The following DMD variants were observed in gnomAD, a reference collection of about 807,000 sequenced individuals.
The protein encoded by DMD is mutant dystrophin.
In DMD, 63 loss-of-function variants were observed where a neutral mutation model predicts 330.1. That is an observed-to-expected ratio of 0.19 (90% CI 0.16 to 0.24). The LOEUF (loss-of-function observed/expected upper bound fraction) is 0.24, where lower values mean the gene tolerates loss of function less well. Among genes scored for constraint, DMD ranks in the 10% least tolerant of loss-of-function variants. The pLI, the probability that DMD is intolerant of heterozygous loss-of-function variation, is 1.00. For synonymous variants in DMD, 1,223 were observed against 959.8 expected, an observed-to-expected ratio of 1.27 and a Z score of -5.07; for missense variants, 3,344 against 2,684.1, an observed-to-expected ratio of 1.25 and a Z score of -5.43.
At chrX:33,301,608 T>A (rs931839565) in intron 1 of DMD, among the ~76,000 whole-genome samples, 1 of 111,724 alleles carries the variant, frequency 9.0e-6, no homozygotes, top group Admixed American at 9.6e-5. Flanking sequence ...TTGTTCGCAG[T>A]TCTGTAGGCT....
intron 2 of DMD, among the ~76,000 whole-genome samples, chrX:32,956,527 C>T (rs766144161): frequency 1.8e-5 from 2 of 111,772 alleles, no homozygotes; most frequent in South Asian, 3.8e-4. Flanking sequence ...TATAGGAATG[C>T]TAGTGATTTT....
At chrX:31,863,232 G>A (rs996780433) in intron 48 of DMD, among the ~76,000 whole-genome samples, 1 of 112,245 alleles carries the variant, frequency 8.9e-6, no homozygotes, top group African/African-American at 3.2e-5. Context: ...AGTCCCAGCT[G>A]CTCGGGAGGA....
At chrX:32,917,380 T>C (rs1402859495) in intron 2 of DMD, among the ~76,000 whole-genome samples, 1 of 111,872 alleles carries the variant, frequency 8.9e-6, no homozygotes, top group African/African-American at 3.3e-5. Context: ...TATGTACAAC[T>C]ATGATATATC....
chrX:31,384,589 T>C (rs769334286), intron 60 of DMD, among the ~76,000 whole-genome samples: 4 of 111,826 alleles, frequency 3.6e-5, no homozygotes, highest in Non-Finnish European at 7.5e-5. Context: ...CCCTAATGTC[T>C]GAGTGTCCAA....
intron 49 of DMD, among the ~76,000 whole-genome samples, chrX:31,833,242 A>C (rs2149479343): frequency 9.5e-6 from 1 of 105,104 alleles, no homozygotes; most frequent in Non-Finnish European, 2.0e-5. Context: ...ACAAATAAAT[A>C]AAAGTATGTG....
intron 17 of DMD, among the ~76,000 whole-genome samples, chrX:32,542,889 C>T (rs1288943655): frequency 9.0e-6 from 1 of 111,637 alleles, no homozygotes; most frequent in Admixed American, 9.5e-5. Context: ...AAAGTTGATG[C>T]TATATATAAT....
chrX:32,058,564 A>AT (rs1286289448), intron 44 of DMD, among the ~76,000 whole-genome samples: 1 of 99,706 alleles, frequency 1.0e-5, no homozygotes, highest in Non-Finnish European at 2.0e-5. Flanking sequence ...GATAACCATT[A>AT]TTAAAAAAAA....
chrX:33,327,958 A>G (rs139288008), intron 1 of DMD, among the ~76,000 whole-genome samples: 1,183 of 112,003 alleles, frequency 0.011, 23 homozygotes, highest in African/African-American at 0.037. Context: ...GTAAATATTA[A>G]TGTACTAGTA....
chrX:32,330,479 G>T (rs944431491), intron 41 of DMD, among the ~76,000 whole-genome samples: 4 of 111,729 alleles, frequency 3.6e-5, no homozygotes, highest in African/African-American at 1.3e-4. Flanking sequence ...CAGTTGTTCT[G>T]GACATGCTCA....
intron 47 of DMD, among the ~76,000 whole-genome samples, chrX:31,889,893 C>T (rs199654598): frequency 3.6e-5 from 4 of 109,948 alleles, no homozygotes; most frequent in East Asian, 5.8e-4. Flanking sequence ...CCCTTGGATT[C>T]GTAGGAAATA....
At chrX:32,999,049 C>G (rs1001873260) in intron 2 of DMD, among the ~76,000 whole-genome samples, 2 of 112,437 alleles carry the variant, frequency 1.8e-5, no homozygotes, top group Non-Finnish European at 3.7e-5. Context: ...TGTCCTTACA[C>G]TATTCGAAGG....
intron 39 of DMD, among the ~76,000 whole-genome samples, chrX:32,343,766 C>G (rs755955612): frequency 1.8e-4 from 20 of 111,546 alleles, no homozygotes; most frequent in Non-Finnish European, 3.2e-4. Context: ...TTTAGAAATG[C>G]CTACATAAGA....
intron 60 of DMD, among the ~76,000 whole-genome samples, chrX:31,441,900 C>T (rs1465108237): frequency 1.8e-5 from 2 of 112,000 alleles, no homozygotes; most frequent in African/African-American, 3.2e-5. Context: ...TAACTTGACT[C>T]GGTTATATGC....
chrX:32,452,304 G>GGAAAGT lies in DMD; in HGVS notation c.3603+2352_3603+2357dup, dbSNP rs1194944157. ...AAAAGAAAGGAAAGGAAAAGGAAAG[G>GGAAAGT]GAAAGTGAAAGTGAAAGTGAAAGTG... On this transcript the variant is annotated intron_variant, in intron 26 of 78. Coordinates refer to ENST00000357033, the MANE Select transcript of DMD (RefSeq NM_004006.3). Among the ~76,000 whole-genome samples, 453 of 23,786 alleles carry GGAAAGT rather than the reference G, an allele frequency of 0.019. 39 individuals carry two copies. Among genetic ancestry groups the GGAAAGT allele is most frequent in the Admixed American group, 0.031 (40 of 1,299 alleles). The allele number at this position is 23,786 out of a possible 115,157, so 20.7% of individuals were successfully genotyped here.
intron 16 of DMD, among the ~76,000 whole-genome samples, chrX:32,546,463 C>T (rs775697000): frequency 9.0e-6 from 1 of 110,502 alleles, no homozygotes; most frequent in Non-Finnish European, 1.9e-5. Context: ...GCCTCATACA[C>T]GAGGACTGAT....
At chrX:32,052,028 C>G (rs1163492993) in intron 44 of DMD, among the ~76,000 whole-genome samples, 2 of 111,833 alleles carry the variant, frequency 1.8e-5, no homozygotes, top group Non-Finnish European at 3.8e-5. Context: ...AATATGTTCC[C>G]AGGAATTTTC....
chrX:32,369,760 T>C (rs1411642848), intron 34 of DMD, among the ~76,000 whole-genome samples: 1 of 111,215 alleles, frequency 9.0e-6, no homozygotes, highest in Non-Finnish European at 1.9e-5. Flanking sequence ...CACCCCCTCT[T>C]TTTAAACAAA....
chrX:31,178,248 C>T (rs1235501868), intron 70 of DMD: 1 of 750,620 alleles, frequency 1.3e-6, no homozygotes, highest in Non-Finnish European at 1.6e-6. Context: ...TTTCCTGTGA[C>T]TATATTTTCT....
intron 50 of DMD, among the ~76,000 whole-genome samples, chrX:31,809,995 T>C (rs897635995): frequency 3.6e-5 from 4 of 110,501 alleles, no homozygotes; most frequent in Admixed American, 9.8e-5. Context: ...ATCTTCTTGG[T>C]ATTATTATTA....
Sources: gnomAD v4.1 joint callset for allele counts (sites outside exome capture counted in the v4.1 genomes callset) on GRCh38, gnomAD v4.1.1 for gene constraint, MANE v1.5 for transcripts, NCBI Gene and HGNC (gene_info 2026-07-23, HGNC 2026-07-21) for gene names.